The following PTPRG variants were observed in gnomAD, a reference collection of about 807,000 sequenced individuals.
PTPRG encodes protein tyrosine phosphatase receptor type G, also known as receptor-type tyrosine-protein phosphatase gamma.
A neutral mutation model predicts 165.3 loss-of-function variants in PTPRG; 102 were observed. That is an observed-to-expected ratio of 0.62 (90% CI 0.53 to 0.73). The LOEUF (loss-of-function observed/expected upper bound fraction) is 0.73, where lower values mean the gene tolerates loss of function less well. PTPRG is among the 30% of genes least tolerant of loss of function. The pLI is 0.00. For missense variants in PTPRG, 1,866 were observed against 1,861.4 expected (o/e 1.00, Z -0.05); for synonymous variants, 675 against 669.5 (o/e 1.01, Z -0.13).
intron 2 of PTPRG, among the ~76,000 whole-genome samples, chr3:61,866,826 T>C (rs1240355231): frequency 6.6e-6 from 1 of 152,070 alleles, no homozygotes; most frequent in Non-Finnish European, 1.5e-5. Flanking sequence ...CTCGATCTCT[T>C]GAACTCGTGA....
chr3:61,639,630 AT>A (rs1340207255), intron 1 of PTPRG, among the ~76,000 whole-genome samples: 1 of 151,936 alleles, frequency 6.6e-6, no homozygotes, highest in African/African-American at 2.4e-5. Flanking sequence ...CACCTGCTTG[AT>A]TAGATGTATT....
chr3:61,949,668 A>G (rs535339907), intron 2 of PTPRG, among the ~76,000 whole-genome samples: 5 of 151,226 alleles, frequency 3.3e-5, no homozygotes, highest in East Asian at 3.9e-4. Flanking sequence ...AACCTAAGAC[A>G]TTTTTTCCCC....
chr3:61,939,489 C>G (rs558968474), intron 2 of PTPRG, among the ~76,000 whole-genome samples: 1 of 152,200 alleles, frequency 6.6e-6, no homozygotes, highest in Non-Finnish European at 1.5e-5. Context: ...CAGGCAAATA[C>G]ACAGAAACTG....
At chr3:61,730,599 C>G (rs151277564) in intron 1 of PTPRG, among the ~76,000 whole-genome samples, 126 of 152,228 alleles carry the variant, frequency 8.3e-4, no homozygotes, top group African/African-American at 2.9e-3. Context: ...GAATCATGAT[C>G]TGAGGGGTGT....
chr3:61,640,370 T>C (rs1327965465), intron 1 of PTPRG, among the ~76,000 whole-genome samples: 1 of 152,156 alleles, frequency 6.6e-6, no homozygotes, highest in Non-Finnish European at 1.5e-5. Context: ...TTTCCAACAC[T>C]AAAATGGGCT....
At chr3:62,124,319 TG>T (rs1703202429) in intron 5 of PTPRG, 2 of 1,609,420 alleles carry the variant, frequency 1.2e-6, no homozygotes, top group Non-Finnish European at 1.7e-6. Context: ...CCTGGATGCC[TG>T]GTTCTGCCCG....
chr3:61,852,315 G>A (rs2036985301), intron 2 of PTPRG, among the ~76,000 whole-genome samples: 3 of 152,084 alleles, frequency 2.0e-5, no homozygotes, highest in Non-Finnish European at 2.9e-5. Flanking sequence ...GTTGTAATAA[G>A]GATTATTTTG....
At chr3:62,025,576 C>T (rs186900958) in intron 4 of PTPRG, among the ~76,000 whole-genome samples, 23 of 152,188 alleles carry the variant, frequency 1.5e-4, no homozygotes, top group Admixed American at 2.6e-4. Context: ...AAAATGTAAC[C>T]ATTATGGAGT....
At chr3:61,990,260 G>A (rs912506791) in intron 3 of PTPRG, among the ~76,000 whole-genome samples, 3 of 152,158 alleles carry the variant, frequency 2.0e-5, no homozygotes, top group African/African-American at 7.2e-5. Flanking sequence ...CTATTGGGCA[G>A]CCCAGACAGA....
At chr3:62,086,386 T>A (rs966836897) in intron 5 of PTPRG, among the ~76,000 whole-genome samples, 1 of 152,086 alleles carries the variant, frequency 6.6e-6, no homozygotes, top group African/African-American at 2.4e-5. Flanking sequence ...TCTACCAAAT[T>A]CCCACCCTAA....
chr3:62,131,906 T>C (rs900585322), intron 5 of PTPRG, among the ~76,000 whole-genome samples: 2 of 152,148 alleles, frequency 1.3e-5, no homozygotes, highest in East Asian at 1.9e-4. Flanking sequence ...AAAGCCAAAA[T>C]TGTAATATGC....
chr3:62,173,344 C>T (rs1312343593), intron 8 of PTPRG, among the ~76,000 whole-genome samples: 2 of 151,936 alleles, frequency 1.3e-5, no homozygotes, highest in Non-Finnish European at 1.5e-5. Context: ...CTCAATTCTA[C>T]CAGTATAGCA....
At chr3:62,072,615 ATGTGTGTGTGTGTG>A (rs746425268) in intron 4 of PTPRG, among the ~76,000 whole-genome samples, 2 of 134,578 alleles carry the variant, frequency 1.5e-5, no homozygotes, top group African/African-American at 6.1e-5. Flanking sequence ...ATATATGTGT[ATGTGTGTGTGTGTG>A]TGTGTGTGTG....
At chr3:62,282,582 T>C in intron 27 of PTPRG, 145 bp from the exon 28 acceptor site, 1 of 769,176 alleles carries the variant, frequency 1.3e-6, no homozygotes, top group Non-Finnish European at 1.9e-6. Flanking sequence ...CTGGTATTTT[T>C]CTTCTTTCCA....
intron 2 of PTPRG, among the ~76,000 whole-genome samples, chr3:61,834,699 A>G (rs1474628998): frequency 1.3e-5 from 2 of 152,092 alleles, no homozygotes; most frequent in African/African-American, 4.8e-5. Flanking sequence ...TGTAGTCCCA[A>G]CTACTCAGGA....
intron 5 of PTPRG, among the ~76,000 whole-genome samples, chr3:62,119,787 A>ATTTTTTTTTTTT (rs34842750): frequency 1.2e-4 from 13 of 111,720 alleles, no homozygotes; most frequent in Non-Finnish European, 2.3e-4. Context: ...CGCCTGGCTA[A>ATTTTTTTTTTTT]TTTTTTTTTT....
chr3:61,612,596 C>T (rs1328654083), intron 1 of PTPRG, among the ~76,000 whole-genome samples: 1 of 152,218 alleles, frequency 6.6e-6, no homozygotes, highest in East Asian at 1.9e-4. Flanking sequence ...GGATCTTCAC[C>T]TTTATGCATT....
intron 14 of PTPRG, among the ~76,000 whole-genome samples, chr3:62,242,084 A>T (rs1701171652): frequency 6.6e-6 from 1 of 152,226 alleles, no homozygotes; most frequent in Non-Finnish European, 1.5e-5. Flanking sequence ...ACTAATTTAG[A>T]GAGAGAAGGA....
intron 7 of PTPRG, among the ~76,000 whole-genome samples, chr3:62,164,614 C>T (rs1704899280): frequency 6.6e-6 from 1 of 152,182 alleles, no homozygotes; most frequent in Non-Finnish European, 1.5e-5. Flanking sequence ...ACCATCACAT[C>T]CTTTCTTCAA....
Sources: allele counts gnomAD v4.1 joint callset (sites outside exome capture counted in the v4.1 genomes callset), GRCh38; gene constraint gnomAD v4.1.1; transcripts MANE v1.5; gene names NCBI Gene and HGNC (gene_info 2026-07-23, HGNC 2026-07-21).